Variants in CADPS2 observed in about 807,000 individuals in gnomAD.
CADPS2 encodes the protein calcium dependent secretion activator 2, also known as calcium-dependent secretion activator 2.
A neutral mutation model predicts 172.5 loss-of-function variants in CADPS2; 93 were observed. That is an observed-to-expected ratio of 0.54 (90% CI 0.46 to 0.64). The LOEUF is 0.64. Among genes scored for constraint, CADPS2 ranks in the 30% least tolerant of loss-of-function variants. The pLI is 0.00. For missense variants in CADPS2, 1,420 were observed against 1,565.9 expected (o/e 0.91, Z 1.57); for synonymous variants, 546 against 555.2 (o/e 0.98, Z 0.23).
intron 14 of CADPS2, among the ~76,000 whole-genome samples, chr7:122,465,664 C>T (rs2055039905): frequency 1.3e-5 from 2 of 152,262 alleles, no homozygotes; most frequent in African/African-American, 4.8e-5. Context: ...TCCACCCCAT[C>T]CATGAAAAAT....
chr7:122,850,141 T>C, intron 1 of CADPS2: 1 of 1,204,724 alleles, frequency 8.3e-7, no homozygotes, highest in South Asian at 2.1e-5. Context: ...TAGCAACTGC[T>C]GAACAGGGCG....
chr7:122,603,504 A>C (rs1199619026), intron 6 of CADPS2, among the ~76,000 whole-genome samples: 1 of 151,914 alleles, frequency 6.6e-6, no homozygotes, highest in African/African-American at 2.4e-5. Flanking sequence ...AAAAATAGTG[A>C]ATATATGGGC....
At chr7:122,828,338 T>C (rs536186113) in intron 1 of CADPS2, among the ~76,000 whole-genome samples, 1 of 152,100 alleles carries the variant, frequency 6.6e-6, no homozygotes, top group Non-Finnish European at 1.5e-5. Context: ...AAGCAACATA[T>C]AATGGGTTCC....
chr7:122,540,721 C>A (rs911321450), intron 8 of CADPS2, among the ~76,000 whole-genome samples: 6 of 152,116 alleles, frequency 3.9e-5, no homozygotes, highest in Non-Finnish European at 8.8e-5. Context: ...AATCCATTCA[C>A]TGAATATTTG....
chr7:122,357,669 A>C (rs2039588327), intron 27 of CADPS2, among the ~76,000 whole-genome samples: 1 of 152,136 alleles, frequency 6.6e-6, no homozygotes, highest in South Asian at 2.1e-4. Flanking sequence ...CATGGCAACC[A>C]CTAATCTGTT....
chr7:122,625,396 T>C (rs1324086591), intron 4 of CADPS2, among the ~76,000 whole-genome samples: 1 of 152,194 alleles, frequency 6.6e-6, no homozygotes, highest in Non-Finnish European at 1.5e-5. Context: ...TGCCCAGTTG[T>C]TGGATCAAAC....
At chr7:122,861,716 G>A (rs142221746) in intron 1 of CADPS2, among the ~76,000 whole-genome samples, 35 of 152,264 alleles carry the variant, frequency 2.3e-4, no homozygotes, top group African/African-American at 7.2e-4. Context: ...TTCAGGTGAC[G>A]GATATACTAA....
intron 7 of CADPS2, among the ~76,000 whole-genome samples, chr7:122,574,053 G>A (rs947232297): frequency 6.6e-6 from 1 of 151,998 alleles, no homozygotes; most frequent in Non-Finnish European, 1.5e-5. Flanking sequence ...AAGTTTGTTG[G>A]TGGTGGCACT....
At chr7:122,625,452 C>T (rs1196372251) in intron 4 of CADPS2, among the ~76,000 whole-genome samples, 3 of 152,182 alleles carry the variant, frequency 2.0e-5, no homozygotes, top group Non-Finnish European at 4.4e-5. Context: ...ACGTGAATAA[C>T]ATTTACAATC....
chr7:122,735,761 T>C (rs1330308208), intron 2 of CADPS2, among the ~76,000 whole-genome samples: 2 of 152,190 alleles, frequency 1.3e-5, no homozygotes, highest in Non-Finnish European at 2.9e-5. Flanking sequence ...TATCTTTTTA[T>C]ACAGATTACT....
intron 11 of CADPS2, among the ~76,000 whole-genome samples, chr7:122,482,107 C>T (rs1166220148): frequency 6.6e-6 from 1 of 151,150 alleles, no homozygotes; most frequent in Non-Finnish European, 1.5e-5. Context: ...CCATTATGTG[C>T]AAGCAACAAT....
chr7:122,393,516 T>G lies in CADPS2; in HGVS notation c.2813A>C (p.Tyr938Ser). 1 of 1,613,868 alleles carries G rather than the reference T, an allele frequency of 6.2e-7. No individual in the cohort carries two copies. Among genetic ancestry groups the G allele is most frequent in the Non-Finnish European group, 8.5e-7 (1 of 1,179,832 alleles). Residue 938 changes from tyrosine (Y) to serine (S), a missense_variant, in exon 21 of 30, where the codon TAT becomes TCT. Physicochemically the swap from Tyr to Ser is moderately radical, Grantham distance 144. Coordinates refer to ENST00000449022, the MANE Select transcript of CADPS2 (RefSeq NM_017954.11). Reference protein sequence around the residue: ...QEIFVPLVVRYVDLMESSIAQ... With the variant: ...QEIFVPLVVRSVDLMESSIAQ... Reference sequence around the variant, plus strand: ...GATGGAAGACTCCATGAGATCCACATAGCGGACAACCAAGGGTACAAAGAT... The same window carrying G: ...GATGGAAGACTCCATGAGATCCACAGAGCGGACAACCAAGGGTACAAAGAT...
At chr7:122,592,202 C>G (rs529187577) in intron 6 of CADPS2, among the ~76,000 whole-genome samples, 76 of 152,168 alleles carry the variant, frequency 5.0e-4, no homozygotes, top group African/African-American at 1.1e-3. Flanking sequence ...CTTCTCAAAA[C>G]AAGACATTTA....
intron 20 of CADPS2, among the ~76,000 whole-genome samples, chr7:122,406,129 G>C (rs1385302731): frequency 6.6e-6 from 1 of 152,118 alleles, no homozygotes; most frequent in Non-Finnish European, 1.5e-5. Context: ...TCCATGGAAA[G>C]TACAATATTA....
intron 1 of CADPS2, among the ~76,000 whole-genome samples, chr7:122,840,894 TA>T (rs1372319313): frequency 2.6e-5 from 4 of 152,046 alleles, no homozygotes; most frequent in Non-Finnish European, 5.9e-5. Flanking sequence ...ATGTACATAA[TA>T]AAAAATTGCA....
chr7:122,425,747 A>G (rs2049094294), intron 17 of CADPS2, among the ~76,000 whole-genome samples: 1 of 152,164 alleles, frequency 6.6e-6, no homozygotes, highest in Admixed American at 6.5e-5. Flanking sequence ...TTTTTTCTAA[A>G]TATTATTCAA....
intron 24 of CADPS2, among the ~76,000 whole-genome samples, chr7:122,380,054 A>G (rs1198923123): frequency 6.6e-6 from 1 of 152,044 alleles, no homozygotes; most frequent in Non-Finnish European, 1.5e-5. Context: ...ATGAAACATC[A>G]CTCACTCCCC....
At chr7:122,523,323 T>C in intron 8 of CADPS2, among the ~76,000 whole-genome samples, 1 of 152,150 alleles carries the variant, frequency 6.6e-6, no homozygotes, top group South Asian at 2.1e-4. Flanking sequence ...TAATTAATTC[T>C]ATAAAATGTA....
At chr7:122,685,049 G>T (rs1401934492) in intron 2 of CADPS2, among the ~76,000 whole-genome samples, 1 of 152,090 alleles carries the variant, frequency 6.6e-6, no homozygotes, top group Non-Finnish European at 1.5e-5. Context: ...CCTTGTAGTT[G>T]TTTATTTTTT....
Sources: gnomAD v4.1 joint callset for allele counts (sites outside exome capture counted in the v4.1 genomes callset) on GRCh38, gnomAD v4.1.1 for gene constraint, MANE v1.5 for transcripts, NCBI Gene and HGNC (gene_info 2026-07-23, HGNC 2026-07-21) for gene names.